The following DLG2 variants were observed in gnomAD, a reference collection of about 807,000 sequenced individuals.
The protein encoded by DLG2 is disks large homolog 2.
Under a neutral mutation model 132.5 loss-of-function variants are expected in DLG2, and 45 were observed. That is an observed-to-expected ratio of 0.34 (90% confidence interval 0.27 to 0.44). The LOEUF is 0.44. DLG2 is among the 20% of genes least tolerant of loss of function. The pLI is 1.00. For synonymous variants in DLG2, 424 were observed against 419.6 expected (o/e 1.01, Z -0.13); for missense variants, 1,045 against 1,196.9 (o/e 0.87, Z 1.87).
intron 17 of DLG2, among the ~76,000 whole-genome samples, chr11:83,798,186 CG>C (rs931654598): frequency 2.6e-5 from 4 of 152,144 alleles, no homozygotes; most frequent in Admixed American, 6.5e-5. Context: ...GGTTTAGACC[CG>C]GGAAGGCCAG....
chr11:83,570,080 T>A (rs1285772042), intron 19 of DLG2, among the ~76,000 whole-genome samples: 2 of 152,222 alleles, frequency 1.3e-5, no homozygotes, highest in African/African-American at 4.8e-5. Context: ...TGGGACATGG[T>A]ATCTACTTCA....
intron 3 of DLG2, among the ~76,000 whole-genome samples, chr11:85,311,285 T>C (rs1161719698): frequency 6.6e-6 from 1 of 152,308 alleles, no homozygotes; most frequent in East Asian, 1.9e-4. Flanking sequence ...ATTTGTAGGA[T>C]GTTTACCATA....
intron 19 of DLG2, among the ~76,000 whole-genome samples, chr11:83,588,737 T>A (rs1370152272): frequency 6.6e-6 from 1 of 151,490 alleles, no homozygotes; most frequent in Non-Finnish European, 1.5e-5. Context: ...AGTTGAAAAC[T>A]TTGAAAAAAA....
chr11:84,313,565 GA>G lies in DLG2; in HGVS notation c.520-62275del, dbSNP rs200170735. The stretch of plus-strand genomic sequence containing the variant: ...GGAAGGAAGGGAGGGAGGGAGGGAG[GA>G]GAGAGAGAGAGAGAGAAAGGAAGGA... On this transcript the variant is annotated intron_variant, in intron 7 of 27. Transcript: ENST00000376104. Among the ~76,000 whole-genome samples the G allele has an allele frequency of 2.9e-3, 365 of 126,220 alleles. 8 individuals are homozygous for G. Among genetic ancestry groups the G allele is most frequent in the Non-Finnish European group, 4.1e-3 (238 of 58,224 alleles). 82.8% of individuals were successfully genotyped at this position (126,220 alleles called of 152,430 possible).
intron 3 of DLG2, among the ~76,000 whole-genome samples, chr11:85,323,156 C>A (rs2081198409): frequency 6.6e-6 from 1 of 152,178 alleles, no homozygotes; most frequent in Non-Finnish European, 1.5e-5. Context: ...GGAAACCTTT[C>A]TCTCTCTCTT....
intron 11 of DLG2, among the ~76,000 whole-genome samples, chr11:84,027,339 G>A (rs964911353): frequency 2.0e-5 from 3 of 152,088 alleles, no homozygotes; most frequent in African/African-American, 7.2e-5. Flanking sequence ...CATATATGCT[G>A]CTTACTTAGG....
chr11:83,819,460 ACT>A (rs1482010094), intron 17 of DLG2, among the ~76,000 whole-genome samples: 1 of 116,168 alleles, frequency 8.6e-6, no homozygotes, highest in African/African-American at 3.6e-5. Flanking sequence ...ACAGAGCAAG[ACT>A]CTATCTCAAA....
intron 19 of DLG2, among the ~76,000 whole-genome samples, chr11:83,554,659 A>T (rs1055321655): frequency 4.6e-5 from 7 of 152,182 alleles, no homozygotes; most frequent in Admixed American, 2.0e-4. Context: ...CAGATCTGGG[A>T]CTAGTGGTTC....
chr11:83,918,653 C>A (rs1477055420), intron 15 of DLG2, among the ~76,000 whole-genome samples: 2 of 152,084 alleles, frequency 1.3e-5, no homozygotes, highest in African/African-American at 4.8e-5. Flanking sequence ...GGCAGGGAAC[C>A]TGGCCAGCAC....
chr11:85,444,237 T>A (rs993491656), intron 3 of DLG2, among the ~76,000 whole-genome samples: 15 of 152,018 alleles, frequency 9.9e-5, no homozygotes, highest in African/African-American at 3.1e-4. Context: ...TCAAGAAATC[T>A]AAAAATATAA....
intron 8 of DLG2, among the ~76,000 whole-genome samples, chr11:84,185,959 C>A (rs1037025439): frequency 6.6e-6 from 1 of 152,048 alleles, no homozygotes; most frequent in Non-Finnish European, 1.5e-5. Context: ...GTTATCAGTT[C>A]TTTTCTTTTA....
intron 6 of DLG2, among the ~76,000 whole-genome samples, chr11:84,540,397 C>T (rs1038331711): frequency 2.0e-5 from 3 of 150,614 alleles, no homozygotes; most frequent in African/African-American, 7.3e-5. Context: ...TGAACAGACA[C>T]TTCTCAAAAG....
chr11:84,576,043 T>C (rs1317082379), intron 6 of DLG2, among the ~76,000 whole-genome samples: 1 of 152,226 alleles, frequency 6.6e-6, no homozygotes, highest in Non-Finnish European at 1.5e-5. Flanking sequence ...TCACTCGCCT[T>C]TCTTTAAGTC....
intron 3 of DLG2, among the ~76,000 whole-genome samples, chr11:85,390,055 T>C (rs1170602112): frequency 1.3e-5 from 2 of 152,040 alleles, no homozygotes; most frequent in South Asian, 2.1e-4. Context: ...ACTTAAAAGA[T>C]ACAAAATGGC....
intron 4 of DLG2, among the ~76,000 whole-genome samples, chr11:85,189,283 T>C (rs1205951867): frequency 1.3e-5 from 2 of 152,092 alleles, no homozygotes; most frequent in Non-Finnish European, 1.5e-5. Context: ...AATAAAGTCA[T>C]TCCCAGATGA....
In DLG2 at chr11:84,169,533, G is replaced by GT. The variant is rs2095763174; in HGVS notation, c.574-6023_574-6022insA. Among the ~76,000 whole-genome samples the GT allele has an allele frequency of 2.0e-5, 3 of 152,206 alleles. No individual in the cohort carries two copies. In the South Asian group the frequency reaches 6.2e-4, roughly 32 times the overall value. ...TCTAAGATGCACTGCCTTGTGTATA[G>GT]GAATTACCTTAGCTTTTGTTCTCAA... On this transcript the variant is annotated intron_variant, in intron 8 of 27. Transcript: ENST00000376104.
Position 84,264,362 on chromosome 11 carries a change from CT to C in DLG2, c.520-13072del, listed in dbSNP as rs758442952. ...TCTTGCTTTCTCAGTTTTCTGGTGG[CT>C]TTCTTACTTTAAATTATTCTATAAA... On this transcript the variant is annotated intron_variant, in intron 7 of 27. Coordinates refer to ENST00000376104, the MANE Select transcript of DLG2 (RefSeq NM_001142699.3). Among the ~76,000 whole-genome samples the C allele has an allele frequency of 7.2e-5, 11 of 152,270 alleles. No individual in the cohort carries two copies. The East Asian group carries it at 1.9e-3, about 27-fold the overall frequency.
intron 6 of DLG2, among the ~76,000 whole-genome samples, chr11:84,884,393 A>C: frequency 6.6e-6 from 1 of 152,270 alleles, no homozygotes; most frequent in South Asian, 2.1e-4. Context: ...TATAAATAGA[A>C]GGCTAAAAAA....
At chr11:84,696,235 A>G (rs2153732870) in intron 6 of DLG2, among the ~76,000 whole-genome samples, 1 of 151,628 alleles carries the variant, frequency 6.6e-6, no homozygotes, top group African/African-American at 2.4e-5. Flanking sequence ...TAATTACTGA[A>G]TCATGGTTTT....
Sources: allele counts gnomAD v4.1 joint callset (sites outside exome capture counted in the v4.1 genomes callset), GRCh38; gene constraint gnomAD v4.1.1; transcripts MANE v1.5; gene names NCBI Gene and HGNC (gene_info 2026-07-23, HGNC 2026-07-21).